TTLL9: variants seen among roughly 807,000 people sequenced by gnomAD.
TTLL9 encodes probable tubulin polyglutamylase TTLL9.
A neutral mutation model predicts 65.6 loss-of-function variants in TTLL9; 47 were observed. The ratio of observed to expected loss-of-function variants is 0.72; its 90% confidence interval spans 0.57 to 0.91. TTLL9 has a LOEUF of 0.91. TTLL9 is among the 40% of genes least tolerant of loss of function. The pLI, the probability that TTLL9 is intolerant of heterozygous loss-of-function variation, is 0.00. For synonymous variants in TTLL9, 179 were observed against 204.8 expected (o/e 0.87, Z 1.07); for missense variants, 537 against 568.8 (o/e 0.94, Z 0.57).
intron 2 of TTLL9, among the ~76,000 whole-genome samples, chr20:31,885,863 T>G (rs548237147): frequency 8.5e-5 from 13 of 152,272 alleles, no homozygotes; most frequent in South Asian, 8.3e-4. Flanking sequence ...GAGGGGAGGA[T>G]TGGAAGTCAG....
intron 8 of TTLL9, among the ~76,000 whole-genome samples, chr20:31,923,905 G>A (rs764647945): frequency 1.4e-4 from 22 of 151,968 alleles, no homozygotes; most frequent in Non-Finnish European, 3.2e-4. Flanking sequence ...GTCCCCAGCC[G>A]AGACCTTGCC....
chr20:31,891,266 T>C (rs1025560808), intron 3 of TTLL9, among the ~76,000 whole-genome samples: 2 of 152,240 alleles, frequency 1.3e-5, no homozygotes, highest in Non-Finnish European at 2.9e-5. Flanking sequence ...CTTTGTAATA[T>C]GCCAAATTGC....
At chr20:31,933,677 A>G (rs1225733376) in intron 10 of TTLL9, 123 bp from the exon 11 acceptor site, 14 of 878,302 alleles carry the variant, frequency 1.6e-5, no homozygotes, top group Non-Finnish European at 2.2e-5. Flanking sequence ...CAAAGCTCAC[A>G]CACACGACCG....
At chr20:31,938,462 G>T (rs2123644907) in intron 13 of TTLL9, among the ~76,000 whole-genome samples, 2 of 152,276 alleles carry the variant, frequency 1.3e-5, no homozygotes, top group African/African-American at 4.8e-5. Flanking sequence ...ACAAACATTT[G>T]AGCCCTGCTC....
At chr20:31,940,991 GC>G (rs1335003691) in intron 14 of TTLL9, 3 of 152,010 alleles carry the variant, frequency 2.0e-5, no homozygotes, top group African/African-American at 7.3e-5. Context: ...GCCGAGGCGG[GC>G]GGATCATGAG....
intron 2 of TTLL9, among the ~76,000 whole-genome samples, chr20:31,875,239 A>C (rs2063021672): frequency 1.3e-5 from 2 of 152,036 alleles, no homozygotes; most frequent in South Asian, 4.2e-4. Flanking sequence ...AGGAAAAAAA[A>C]CCCTCTGTAG....
intron 10 of TTLL9, among the ~76,000 whole-genome samples, chr20:31,931,646 C>T (rs543123940): frequency 6.6e-6 from 1 of 152,296 alleles, no homozygotes; most frequent in Non-Finnish European, 1.5e-5. Flanking sequence ...ATTGGCATTT[C>T]CCTGATGACT....
At chr20:31,930,209 A>G (rs2063984825) in intron 10 of TTLL9, among the ~76,000 whole-genome samples, 1 of 152,060 alleles carries the variant, frequency 6.6e-6, no homozygotes, top group African/African-American at 2.4e-5. Context: ...TCCTGGGGAC[A>G]ATTGTTTTAA....
At chr20:31,900,737 T>G (rs1357081939) in intron 4 of TTLL9, among the ~76,000 whole-genome samples, 1 of 151,944 alleles carries the variant, frequency 6.6e-6, no homozygotes, top group African/African-American at 2.4e-5. Flanking sequence ...GAAAAGTGCT[T>G]GGGGGGAGTT....
intron 3 of TTLL9, among the ~76,000 whole-genome samples, chr20:31,895,646 C>T (rs894620628): frequency 1.3e-5 from 2 of 152,042 alleles, no homozygotes; most frequent in African/African-American, 4.8e-5. Flanking sequence ...CAACGATTCT[C>T]CTGCCTCAGC....
At chr20:31,914,987 C>T (rs1400027046) in intron 6 of TTLL9, among the ~76,000 whole-genome samples, 6 of 152,200 alleles carry the variant, frequency 3.9e-5, no homozygotes, top group South Asian at 2.1e-4. Flanking sequence ...GAAATATGTG[C>T]GCTTTTCATT....
intron 4 of TTLL9, among the ~76,000 whole-genome samples, chr20:31,908,140 G>A (rs1481995233): frequency 6.6e-6 from 1 of 152,208 alleles, no homozygotes; most frequent in African/African-American, 2.4e-5. Context: ...AGGATTTAGT[G>A]AGTGGAGAGT....
chr20:31,909,778 C>T lies in TTLL9; in HGVS notation c.360C>T (p.Phe120=). The T allele has an allele frequency of 1.9e-6, 3 of 1,614,156 alleles. No individual in the cohort carries two copies. The highest frequency in any genetic ancestry group is 2.5e-6 in the Non-Finnish European group (3 of 1,180,050). The change falls in exon 6 of 15, where the codon TTC becomes TTT. Residue 120 remains phenylalanine, a synonymous_variant. Coordinates refer to ENST00000535842, the MANE Select transcript of TTLL9 (RefSeq NM_001008409.5). ...KNYMVKNLKR[F]RKQLEREAGK... Reference sequence around the variant, plus strand: ...ACATGGTGAAGAACCTGAAGCGGTTCCGGAAGCAGCTGGAGCGTGAGGCAG... The same window carrying T: ...ACATGGTGAAGAACCTGAAGCGGTTTCGGAAGCAGCTGGAGCGTGAGGCAG...
chr20:31,919,950 C>G lies in TTLL9; in HGVS notation c.573+18C>G, dbSNP rs1419440059. 1.9e-6 allele frequency: 3 copies of G among 1,570,878 alleles called. No individual in the cohort carries two copies. The highest frequency in any genetic ancestry group is 1.2e-5 in the South Asian group (1 of 84,940). On this transcript the variant is annotated intron_variant, in intron 7 of 14. Coordinates refer to ENST00000535842, the MANE Select transcript of TTLL9 (RefSeq NM_001008409.5). The stretch of plus-strand genomic sequence containing the variant: ...GGAGGAAGGTGAGCCTGCCTCTTCC[C>G]CCTTCCTCCCTGAACCCTCCTCTGA...
chr20:31,929,066 C>A (rs2063960242), intron 10 of TTLL9, among the ~76,000 whole-genome samples: 1 of 152,112 alleles, frequency 6.6e-6, no homozygotes, highest in Non-Finnish European at 1.5e-5. Context: ...GCAATGAGTT[C>A]TCGCTATGTT....
In TTLL9 at chr20:31,909,816, C is replaced by T; in HGVS notation, c.398C>T (p.Ala133Val). 2 of 1,614,196 alleles carry T rather than the reference C, an allele frequency of 1.2e-6. No homozygotes were observed. The highest frequency in any genetic ancestry group is 1.7e-6 in the Non-Finnish European group (2 of 1,180,032). Reference protein sequence around the residue: ...QLEREAGKLEAAKCDFFPKTF... With the variant: ...QLEREAGKLEVAKCDFFPKTF... ...GAGCGTGAGGCAGGAAAGCTGGAGG[C>T]AGCCAAGTGTGACTTCTTCCCCAAA... Residue 133 changes from alanine to valine, a missense_variant, in exon 6 of 15, where the codon GCA becomes GTA. Around this residue, in one of 3 missense-constraint regions of TTLL9, gnomAD observed 320 missense variants for 311.0 expected, o/e 1.03. Coordinates refer to ENST00000535842, the MANE Select transcript of TTLL9 (RefSeq NM_001008409.5).
intron 2 of TTLL9, among the ~76,000 whole-genome samples, chr20:31,871,546 G>A (rs953980217): frequency 2.0e-5 from 3 of 152,186 alleles, no homozygotes; most frequent in African/African-American, 7.2e-5. Context: ...AGGTGACTGG[G>A]GATTGTGGAT....
At chr20:31,877,302 C>A (rs571974670) in intron 2 of TTLL9, among the ~76,000 whole-genome samples, 5 of 152,312 alleles carry the variant, frequency 3.3e-5, no homozygotes, top group African/African-American at 1.2e-4. Flanking sequence ...CCACACCCAG[C>A]TAATTTTTGT....
intron 13 of TTLL9, among the ~76,000 whole-genome samples, chr20:31,937,911 T>C (rs1458311402): frequency 2.6e-5 from 4 of 151,326 alleles, no homozygotes; most frequent in Non-Finnish European, 5.9e-5. Context: ...CAGTAAGTGC[T>C]CAATACAAAG....
Sources: allele counts gnomAD v4.1 joint callset (sites outside exome capture counted in the v4.1 genomes callset), GRCh38; gene constraint gnomAD v4.1.1; regional missense constraint gnomAD v4.1.1; transcripts MANE v1.5; gene names NCBI Gene and HGNC (gene_info 2026-07-23, HGNC 2026-07-21).